GRM4: variants seen among roughly 807,000 people sequenced by gnomAD.
The protein encoded by GRM4 is glutamate metabotropic receptor 4.
A neutral mutation model predicts 81.7 loss-of-function variants in GRM4; 28 were observed. The observed-to-expected ratio is 0.34, with a 90% CI of 0.25 to 0.47. GRM4 has a LOEUF of 0.47. Among genes scored for constraint, GRM4 ranks in the 20% least tolerant of loss-of-function variants. The pLI is 1.00. For synonymous variants in GRM4, 488 were observed against 528.8 expected, an observed-to-expected ratio of 0.92 and a Z score of 1.06; for missense variants, 948 against 1,290.0, an observed-to-expected ratio of 0.73 and a Z score of 4.06.
In GRM4 at chr6:34,020,470, CAG is replaced by C. The variant is rs1258447539; in HGVS notation, c.*2349_*2350del. ...AGGGTGCCCAGGATGGGGGTGCTGC[CAG>C]AGTCACCCTGGGGGAGAGCTGGCTG... On this transcript the variant is annotated 3_prime_UTR_variant, in exon 11 of 11. Transcript: ENST00000538487. 6.6e-6 allele frequency: 1 copy of C among 152,210 alleles called. No individual in the cohort carries two copies. Among genetic ancestry groups the C allele is most frequent in the Non-Finnish European group, 1.5e-5 (1 of 68,098 alleles). The allele number at this position is 152,210 out of a possible 1,614,324, so 9.4% of individuals were successfully genotyped here. A position where few individuals can be genotyped will look rare whatever the true frequency, so the allele number is the denominator to read the frequency against.
At position 34,068,217 on chromosome 6, in the gene GRM4, C is replaced by G. The variant is rs1581644850; in HGVS notation, c.737-6189G>C. Among the ~76,000 whole-genome samples, 1 of 152,168 alleles carries G rather than the reference C, an allele frequency of 6.6e-6. No individual in the cohort carries two copies. Among genetic ancestry groups the G allele is most frequent in the Non-Finnish European group, 1.5e-5 (1 of 68,028 alleles). On this transcript the variant is annotated intron_variant, in intron 3 of 10. Coordinates refer to ENST00000538487, the MANE Select transcript of GRM4 (RefSeq NM_000841.4). The surrounding 1 kb of genome is among the most constrained non-coding windows in gnomAD (Gnocchi z 4.2). ...ACCCTGGAGAACAGGGAGGCTTGGG[C>G]TGGGCCACGCAGCTGGAGAGGCAGA... is the stretch of plus-strand genomic sequence containing the variant.
intron 2 of GRM4, among the ~76,000 whole-genome samples, chr6:34,107,505 G>A (rs995944551): frequency 1.3e-5 from 2 of 152,204 alleles, no homozygotes; most frequent in Non-Finnish European, 2.9e-5. Flanking sequence ...CGTGATGACC[G>A]AGAGGCGATG....
At chr6:34,075,084 C>T (rs1406633909) in intron 3 of GRM4, among the ~76,000 whole-genome samples, 1 of 152,238 alleles carries the variant, frequency 6.6e-6, no homozygotes, top group African/African-American at 2.4e-5. Flanking sequence ...CTACCGAGGT[C>T]ATGCCCTGGT....
In GRM4 at chr6:34,036,352, G is replaced by C. The variant is rs573164868; in HGVS notation, c.1758C>G (p.Pro586=). 1 of 1,613,510 alleles carries C rather than the reference G, an allele frequency of 6.2e-7. No individual in the cohort carries two copies. Among genetic ancestry groups the C allele is most frequent in the Non-Finnish European group, 8.5e-7 (1 of 1,179,784 alleles). Residue 586 remains proline (P), a synonymous_variant, in exon 9 of 11, where the codon CCC becomes CCG. Transcript: ENST00000538487. The surrounding 1 kb of genome is among the most constrained non-coding windows in gnomAD (Gnocchi z 9.0). ...CCAGGAAGAGGGGCAGCACGGCCCA[G>C]GGCGAGCCCCACTCAAGCTTGATGA... The part of the protein sequence containing the change: ...IPIIKLEWGS[P]WAVLPLFLAV...
intron 2 of GRM4, among the ~76,000 whole-genome samples, chr6:34,113,452 A>T (rs1438492885): frequency 6.6e-6 from 1 of 152,162 alleles, no homozygotes; most frequent in Non-Finnish European, 1.5e-5. Context: ...TCCCATTTAA[A>T]CCTAACGTCT....
chr6:34,127,047 A>C (rs1770049572), intron 2 of GRM4, among the ~76,000 whole-genome samples: 1 of 152,156 alleles, frequency 6.6e-6, no homozygotes, highest in African/African-American at 2.4e-5. Flanking sequence ...TTTGTTTTTC[A>C]ACCCTTTAAA....
intron 6 of GRM4, among the ~76,000 whole-genome samples, chr6:34,043,108 A>G (rs1248197010): frequency 6.6e-6 from 1 of 152,184 alleles, no homozygotes; most frequent in Non-Finnish European, 1.5e-5. Context: ...AGCCCAGGTC[A>G]CATAGCCAAG....
chr6:34,143,918 T>A (rs1770808541), intron 1 of GRM4, among the ~76,000 whole-genome samples: 2 of 152,192 alleles, frequency 1.3e-5, no homozygotes, highest in Non-Finnish European at 2.9e-5. Context: ...TCCCTCCCTG[T>A]CACTTCGGGC....
chr6:34,070,186 A>C lies in GRM4; in HGVS notation c.737-8158T>G, dbSNP rs573864075. Among the ~76,000 whole-genome samples the C allele has an allele frequency of 7.9e-5, 12 of 152,088 alleles. No homozygotes were observed. The highest frequency in any genetic ancestry group is 1.8e-4 in the Non-Finnish European group (12 of 67,980). On this transcript the variant is annotated intron_variant, in intron 3 of 10. Coordinates refer to ENST00000538487, the MANE Select transcript of GRM4 (RefSeq NM_000841.4). This position sits in a 1 kb window ranked among gnomAD's most constrained non-coding sequence, Gnocchi z 4.6. ...CCCCTCTGAGCTGCCACCTCCTTAC[A>C]TGCACAGCCACTGGACACCCCATTT...
At position 34,022,721 on chromosome 6, in the gene GRM4, C is replaced by G; in HGVS notation, c.*100G>C. On this transcript the variant is annotated 3_prime_UTR_variant, in exon 11 of 11. Transcript: ENST00000538487. This position sits in a 1 kb window ranked among gnomAD's most constrained non-coding sequence, Gnocchi z 5.6. Reference sequence around the variant, plus strand: ...ACCAAGCCACGTCCGTGGGTGCCCACGGGCAGGCAAGACAGCTGGGCCCTT... The same window carrying G: ...ACCAAGCCACGTCCGTGGGTGCCCAGGGGCAGGCAAGACAGCTGGGCCCTT... The G allele has an allele frequency of 9.2e-7, 1 of 1,081,156 alleles. No individual in the cohort carries two copies. The highest frequency in any genetic ancestry group is 1.4e-6 in the Non-Finnish European group (1 of 703,210). The allele number at this position is 1,081,156 out of a possible 1,614,324, so 67.0% of individuals were successfully genotyped here. A position where few individuals can be genotyped will look rare whatever the true frequency, so the allele number is the denominator to read the frequency against.
intron 6 of GRM4, among the ~76,000 whole-genome samples, chr6:34,043,484 G>T (rs762119356): frequency 5.9e-5 from 9 of 152,232 alleles, no homozygotes; most frequent in Admixed American, 3.3e-4. Context: ...CTCCCCCACA[G>T]CTCCCATCAC....
rs1409306096 is a variant in GRM4, at chr6:34,074,621, G to T, written c.737-12593C>A. Among the ~76,000 whole-genome samples the T allele has an allele frequency of 1.3e-5, 2 of 152,182 alleles. No individual in the cohort carries two copies. The highest frequency in any genetic ancestry group is 1.9e-4 in the East Asian group (1 of 5,192). On this transcript the variant is annotated intron_variant, in intron 3 of 10. Transcript: ENST00000538487. This position sits in a 1 kb window ranked among gnomAD's most constrained non-coding sequence, Gnocchi z 4.9. ...CCCTGCCAGGAGAGGAGGCCGCTGG[G>T]CAGCGCAAGCAGTGTGGCTCACAGC...
intron 6 of GRM4, 163 bp downstream of exon 6, chr6:34,056,381 G>A: frequency 2.1e-6 from 1 of 479,620 alleles, no homozygotes; most frequent in East Asian, 4.1e-5. Context: ...TCAAGGCCCC[G>A]CCCCAGGCCT....
At chr6:34,153,893 C>T (rs1294478208) in intron 1 of GRM4, among the ~76,000 whole-genome samples, 1 of 150,818 alleles carries the variant, frequency 6.6e-6, no homozygotes, top group Non-Finnish European at 1.5e-5. Flanking sequence ...CTCCACTGCA[C>T]TCCAACCTGA....
chr6:34,117,344 G>A (rs546276239), intron 2 of GRM4, among the ~76,000 whole-genome samples: 122 of 152,292 alleles, frequency 8.0e-4, no homozygotes, highest in African/African-American at 2.8e-3. Flanking sequence ...GAGACAGGCT[G>A]GGCCAGCCCA....
rs1581644850 is a variant in GRM4, at chr6:34,068,217, C to T, written c.737-6189G>A. Reference sequence around the variant, plus strand: ...ACCCTGGAGAACAGGGAGGCTTGGGCTGGGCCACGCAGCTGGAGAGGCAGA... The same window carrying T: ...ACCCTGGAGAACAGGGAGGCTTGGGTTGGGCCACGCAGCTGGAGAGGCAGA... On this transcript the variant is annotated intron_variant, in intron 3 of 10. Coordinates refer to ENST00000538487, the MANE Select transcript of GRM4 (RefSeq NM_000841.4). The surrounding 1 kb of genome is among the most constrained non-coding windows in gnomAD (Gnocchi z 4.2). Among the ~76,000 whole-genome samples, 1 of 152,168 alleles carries T rather than the reference C, an allele frequency of 6.6e-6. No homozygotes were observed. The highest frequency in any genetic ancestry group is 2.4e-5 in the African/African-American group (1 of 41,428).
chr6:34,030,509 G>A lies in GRM4; in HGVS notation c.2443-2143C>T, dbSNP rs566093501. ...TCGAGGGCCAGCGTCCTGGGTTCCA[G>A]ATTCTACTCTGCCTCAGCCCACTGT... is the stretch of plus-strand genomic sequence containing the variant. On this transcript the variant is annotated intron_variant, in intron 9 of 10. Coordinates refer to ENST00000538487, the MANE Select transcript of GRM4 (RefSeq NM_000841.4). 2.6e-5 allele frequency among the ~76,000 whole-genome samples: 4 copies of A among 152,282 alleles called. No individual in the cohort carries two copies. The South Asian group carries it at 8.3e-4, about 32-fold the overall frequency.
intron 1 of GRM4, among the ~76,000 whole-genome samples, chr6:34,153,273 A>G (rs923413659): frequency 3.9e-5 from 6 of 152,130 alleles, no homozygotes; most frequent in African/African-American, 1.4e-4. Context: ...ACACGCACGC[A>G]GGGCCCAGAG....
chr6:34,071,553 T>TATCAC (rs2127469536), intron 3 of GRM4, among the ~76,000 whole-genome samples: 1 of 992 alleles, frequency 1.0e-3, no homozygotes, highest in Admixed American at 0.013. Flanking sequence ...CATACACACA[T>TATCAC]CACACAGATA....
Sources: allele counts gnomAD v4.1 joint callset (sites outside exome capture counted in the v4.1 genomes callset), GRCh38; gene constraint gnomAD v4.1.1; non-coding constraint Gnocchi (gnomAD v3.1); transcripts MANE v1.5; gene names NCBI Gene and HGNC (gene_info 2026-07-23, HGNC 2026-07-21).